The following WWOX variants were observed in gnomAD, a reference collection of about 807,000 sequenced individuals.
WWOX encodes the protein WW domain-containing oxidoreductase.
A neutral mutation model predicts 46.2 loss-of-function variants in WWOX; 69 were observed. That is an observed-to-expected ratio of 1.49 (90% confidence interval 1.23 to 1.82). The LOEUF (loss-of-function observed/expected upper bound fraction) is 1.82. Ranked by LOEUF, WWOX falls within the 40% of genes most tolerant of loss-of-function variation. The probability of loss-of-function intolerance (pLI) is 0.00; values close to 1 mark genes in which losing one functional copy is unlikely to be tolerated. For missense variants in WWOX, 919 were observed against 542.6 expected, an observed-to-expected ratio of 1.69 and a Z score of -6.89; for synonymous variants, 359 against 202.6, an observed-to-expected ratio of 1.77 and a Z score of -6.56.
At position 79,119,888 on chromosome 16, in the gene WWOX, G is replaced by C. The variant is rs188174639; in HGVS notation, c.1057-91720G>C. On this transcript the variant is annotated intron_variant, in intron 8 of 8. Transcript: ENST00000566780. ...TTATTAGGGGTTTACCTACAAAGGA[G>C]AGAGTTTAGTGGCAGTGGGCTGGGC... Among the ~76,000 whole-genome samples the C allele has an allele frequency of 3.3e-5, 5 of 152,308 alleles. No homozygotes were observed. The East Asian group carries it at 5.8e-4, about 18-fold the overall frequency.
intron 8 of WWOX, among the ~76,000 whole-genome samples, chr16:78,707,578 T>C (rs1414018413): frequency 1.3e-5 from 2 of 152,112 alleles, no homozygotes; most frequent in Admixed American, 6.6e-5. Flanking sequence ...ATGCTCAAAA[T>C]CTGCAGTATT....
intron 8 of WWOX, among the ~76,000 whole-genome samples, chr16:79,081,991 A>G (rs2048769009): frequency 6.6e-6 from 1 of 152,194 alleles, no homozygotes; most frequent in African/African-American, 2.4e-5. Context: ...CCAGAACCAG[A>G]AGACCACTCG....
intron 8 of WWOX, among the ~76,000 whole-genome samples, chr16:78,656,232 C>T (rs559215478): frequency 1.8e-4 from 28 of 151,970 alleles, no homozygotes; most frequent in Non-Finnish European, 3.1e-4. Flanking sequence ...CCTCAGTCTC[C>T]CCATCATCCT....
At chr16:79,142,042 G>A (rs142728171) in intron 8 of WWOX, among the ~76,000 whole-genome samples, 1 of 152,156 alleles carries the variant, frequency 6.6e-6, no homozygotes, top group Non-Finnish European at 1.5e-5. Flanking sequence ...CCAGTTAAGA[G>A]GTATATATCT....
intron 8 of WWOX, among the ~76,000 whole-genome samples, chr16:79,051,578 T>A (rs1159546653): frequency 1.0e-4 from 1 of 9,862 alleles, no homozygotes; most frequent in Non-Finnish European, 1.9e-4. Context: ...GCTGGGTGGG[T>A]GGGAGGGAGC....
At chr16:78,333,239 G>A (rs116816107) in intron 5 of WWOX, among the ~76,000 whole-genome samples, 1,986 of 151,432 alleles carry the variant, frequency 0.013, 41 homozygotes, top group African/African-American at 0.046. Flanking sequence ...TGGTAGAGAC[G>A]GCGTTTCACC....
At chr16:78,467,769 A>G (rs548347180) in intron 8 of WWOX, among the ~76,000 whole-genome samples, 2 of 152,358 alleles carry the variant, frequency 1.3e-5, no homozygotes, top group South Asian at 4.1e-4. Context: ...TAGACATTAT[A>G]GCACTGAAAC....
At position 78,339,791 on chromosome 16, in the gene WWOX, C is replaced by G. The variant is rs28725364; in HGVS notation, c.517-47069C>G. ...CTCGGGAAGTACAAACCCTTGTGAC[C>G]GCTGTTCTCTTTCATTTCTATCTGC... On this transcript the variant is annotated intron_variant, in intron 5 of 8. Coordinates refer to ENST00000566780, the MANE Select transcript of WWOX (RefSeq NM_016373.4). Among the ~76,000 whole-genome samples, 3 of 115,018 alleles carry G rather than the reference C, an allele frequency of 2.6e-5. 1 individual carries two copies. The highest frequency in any genetic ancestry group is 4.1e-5 in the Non-Finnish European group (2 of 48,734). 75.5% of individuals were successfully genotyped at this position (115,018 alleles called of 152,430 possible). A position where few individuals can be genotyped will look rare whatever the true frequency, so the allele number is the denominator to read the frequency against.
At chr16:78,917,699 G>A (rs951600019) in intron 8 of WWOX, among the ~76,000 whole-genome samples, 1 of 151,958 alleles carries the variant, frequency 6.6e-6, no homozygotes, top group Admixed American at 6.6e-5. Context: ...CTACTCGTGG[G>A]CAGGGACTGT....
chr16:79,120,797 C>G (rs1277439071), intron 8 of WWOX, among the ~76,000 whole-genome samples: 1 of 152,210 alleles, frequency 6.6e-6, no homozygotes, highest in Non-Finnish European at 1.5e-5. Context: ...GAGACACAGT[C>G]TCACTCTGTT....
intron 8 of WWOX, among the ~76,000 whole-genome samples, chr16:78,942,011 G>T (rs1193397968): frequency 6.6e-6 from 1 of 152,120 alleles, no homozygotes; most frequent in African/African-American, 2.4e-5. Flanking sequence ...GGAAGTATTG[G>T]CGAGCATTTC....
intron 5 of WWOX, among the ~76,000 whole-genome samples, chr16:78,382,775 C>T (rs979649980): frequency 3.3e-5 from 5 of 152,048 alleles, no homozygotes; most frequent in African/African-American, 1.2e-4. Context: ...AATACATACA[C>T]ATGATAAAAT....
At chr16:79,032,194 A>C (rs900725398) in intron 8 of WWOX, among the ~76,000 whole-genome samples, 1 of 146,108 alleles carries the variant, frequency 6.8e-6, no homozygotes, top group African/African-American at 2.5e-5. Flanking sequence ...CCCACCAAAT[A>C]TTTATATATA....
At chr16:78,269,461 G>A (rs542635502) in intron 5 of WWOX, among the ~76,000 whole-genome samples, 2 of 152,236 alleles carry the variant, frequency 1.3e-5, no homozygotes, top group Admixed American at 6.5e-5. Flanking sequence ...GACTGTGCTC[G>A]TGCTGCCCTG....
chr16:78,973,442 G>A (rs1419416873), intron 8 of WWOX, among the ~76,000 whole-genome samples: 1 of 152,184 alleles, frequency 6.6e-6, no homozygotes. Context: ...AGCCAACCAA[G>A]TATGAATTCT....
At chr16:78,930,595 C>CT (rs534091390) in intron 8 of WWOX, among the ~76,000 whole-genome samples, 25,537 of 139,436 alleles carry the variant, frequency 0.18, 2,463 homozygotes, top group South Asian at 0.3. Flanking sequence ...CAGGCAAGGA[C>CT]TTTTTTTTTT....
At chr16:78,337,078 A>G (rs1161296207) in intron 5 of WWOX, among the ~76,000 whole-genome samples, 2 of 152,040 alleles carry the variant, frequency 1.3e-5, no homozygotes, top group African/African-American at 4.8e-5. Context: ...AGTGCACCTG[A>G]CCCTAGGATA....
intron 8 of WWOX, among the ~76,000 whole-genome samples, chr16:79,178,489 A>C (rs2150781699): frequency 6.6e-6 from 1 of 152,042 alleles, no homozygotes; most frequent in East Asian, 1.9e-4. Context: ...CTAATTTTCT[A>C]AATTTTTTGT....
intron 8 of WWOX, among the ~76,000 whole-genome samples, chr16:78,633,807 C>T (rs555799817): frequency 1.3e-5 from 2 of 152,240 alleles, no homozygotes; most frequent in South Asian, 4.1e-4. Flanking sequence ...GGCTGTGTTC[C>T]CGAGTGCATC....
Sources: gnomAD v4.1 joint callset for allele counts (sites outside exome capture counted in the v4.1 genomes callset) on GRCh38, gnomAD v4.1.1 for gene constraint, MANE v1.5 for transcripts, NCBI Gene and HGNC (gene_info 2026-07-23, HGNC 2026-07-21) for gene names.